The following GPC5 variants were observed in gnomAD, a reference collection of about 807,000 sequenced individuals.
GPC5 encodes glypican 5.
GPC5 carries 47 observed loss-of-function variants against 53.9 expected under a neutral mutation model. The observed-to-expected ratio is 0.87, with a 90% confidence interval of 0.69 to 1.11. The LOEUF (loss-of-function observed/expected upper bound fraction) is 1.11. GPC5 is among the 50% of genes most tolerant of loss of function. GPC5 has a pLI of 0.00. For missense variants in GPC5, 748 were observed against 713.1 expected (o/e 1.05, Z -0.56); for synonymous variants, 286 against 263.3 (o/e 1.09, Z -0.84).
At chr13:91,493,046 C>T (rs1268619064) in intron 2 of GPC5, among the ~76,000 whole-genome samples, 3 of 152,246 alleles carry the variant, frequency 2.0e-5, no homozygotes, top group Non-Finnish European at 4.4e-5. Flanking sequence ...CATGTCCTTA[C>T]TGACCTAGCT....
At chr13:92,192,068 T>C (rs1415429031) in intron 7 of GPC5, among the ~76,000 whole-genome samples, 1 of 152,156 alleles carries the variant, frequency 6.6e-6, no homozygotes, top group Non-Finnish European at 1.5e-5. Flanking sequence ...AATTAGTCGT[T>C]GCTAAGGGTT....
intron 6 of GPC5, among the ~76,000 whole-genome samples, chr13:92,042,245 C>T (rs909383118): frequency 6.6e-6 from 1 of 152,150 alleles, no homozygotes; most frequent in African/African-American, 2.4e-5. Context: ...TTTTTGGCTA[C>T]AAGCTGGACT....
chr13:91,973,763 C>T (rs570857063), intron 6 of GPC5, among the ~76,000 whole-genome samples: 22 of 152,238 alleles, frequency 1.4e-4, no homozygotes, highest in Non-Finnish European at 2.1e-4. Flanking sequence ...GTGTCAGCAG[C>T]GGTGGCTGCA....
intron 7 of GPC5, among the ~76,000 whole-genome samples, chr13:92,216,693 C>A (rs1404176921): frequency 1.3e-5 from 2 of 152,010 alleles, no homozygotes; most frequent in Non-Finnish European, 2.9e-5. Flanking sequence ...TCTAACTTAC[C>A]CACAAGCCAG....
At chr13:92,332,438 C>A (rs988628428) in intron 7 of GPC5, among the ~76,000 whole-genome samples, 2 of 151,932 alleles carry the variant, frequency 1.3e-5, no homozygotes, top group African/African-American at 4.8e-5. Flanking sequence ...GGGATCTTAC[C>A]CCATCCTAGT....
chr13:91,793,401 G>A (rs1430705997), intron 5 of GPC5, among the ~76,000 whole-genome samples: 1 of 152,114 alleles, frequency 6.6e-6, no homozygotes, highest in Non-Finnish European at 1.5e-5. Flanking sequence ...TGGGGGCACA[G>A]CCAAACCATA....
chr13:91,932,413 T>C (rs180785359), intron 6 of GPC5, among the ~76,000 whole-genome samples: 18 of 151,896 alleles, frequency 1.2e-4, no homozygotes, highest in Admixed American at 1.0e-3. Context: ...CACATTTAGC[T>C]CTGAATTTAG....
rs201831140 is a variant in GPC5 at position 91,742,000 on chromosome 13, G to GA, written c.1154+13343dup. 3.4e-3 allele frequency among the ~76,000 whole-genome samples: 518 copies of GA among 152,028 alleles called. 5 individuals are homozygous for GA. Among genetic ancestry groups the GA allele is most frequent in the African/African-American group, 0.012 (488 of 41,470 alleles). On this transcript the variant is annotated intron_variant, in intron 4 of 7. Coordinates refer to ENST00000377067, the MANE Select transcript of GPC5 (RefSeq NM_004466.6). ...TGAAAATAAAGGTCATGTTTTCAAT[G>GA]AAAAAAAATCTGCTTAATGTAAAAC...
intron 7 of GPC5, among the ~76,000 whole-genome samples, chr13:92,855,040 G>A (rs1055243343): frequency 1.3e-5 from 2 of 151,884 alleles, no homozygotes; most frequent in Non-Finnish European, 2.9e-5. Flanking sequence ...ATCTTTAAAA[G>A]AAAGCATATA....
At chr13:91,438,333 G>A (rs1234212579) in intron 1 of GPC5, among the ~76,000 whole-genome samples, 1 of 152,068 alleles carries the variant, frequency 6.6e-6, no homozygotes, top group East Asian at 1.9e-4. Context: ...GTACAAATGG[G>A]GTTTTGGTGT....
intron 2 of GPC5, among the ~76,000 whole-genome samples, chr13:91,512,171 C>T (rs930066649): frequency 1.9e-4 from 29 of 152,230 alleles, no homozygotes; most frequent in African/African-American, 6.0e-4. Flanking sequence ...CCAGAAATCG[C>T]TCTATGTTTT....
chr13:92,810,369 C>T (rs778648812), intron 7 of GPC5, among the ~76,000 whole-genome samples: 6 of 151,930 alleles, frequency 3.9e-5, no homozygotes, highest in Non-Finnish European at 7.4e-5. Flanking sequence ...ACAATGAAAA[C>T]GTTAATTTTA....
intron 7 of GPC5, among the ~76,000 whole-genome samples, chr13:92,327,940 C>G (rs1001292589): frequency 3.3e-5 from 5 of 152,160 alleles, no homozygotes; most frequent in African/African-American, 4.8e-5. Flanking sequence ...AGTTTTCCCT[C>G]AAATCCAAAG....
At chr13:92,512,234 ATGTGTG>A (rs1555339433) in intron 7 of GPC5, among the ~76,000 whole-genome samples, 5 of 148,808 alleles carry the variant, frequency 3.4e-5, no homozygotes, top group African/African-American at 1.2e-4. Flanking sequence ...TGTAGATTGT[ATGTGTG>A]TGTGTGTGTG....
At chr13:92,455,625 A>T (rs1181336528) in intron 7 of GPC5, among the ~76,000 whole-genome samples, 3 of 152,238 alleles carry the variant, frequency 2.0e-5, no homozygotes, top group African/African-American at 7.2e-5. Context: ...ACAATTGGTT[A>T]AATGCTATTA....
intron 6 of GPC5, among the ~76,000 whole-genome samples, chr13:92,057,269 A>C (rs1213619174): frequency 6.6e-6 from 1 of 151,578 alleles, no homozygotes; most frequent in Non-Finnish European, 1.5e-5. Flanking sequence ...AGGCCATATG[A>C]AGTGACAGAA....
At chr13:91,846,264 CAATT>C (rs2038847808) in intron 5 of GPC5, among the ~76,000 whole-genome samples, 1 of 151,874 alleles carries the variant, frequency 6.6e-6, no homozygotes, top group Non-Finnish European at 1.5e-5. Context: ...TACAACTTCT[CAATT>C]AACATATAAT....
chr13:92,294,826 C>CTTTTTTTTTT (rs147963724), intron 7 of GPC5, among the ~76,000 whole-genome samples: 1 of 98,998 alleles, frequency 1.0e-5, no homozygotes, highest in South Asian at 3.6e-4. Context: ...TTTTTTTTTT[C>CTTTTTTTTTT]TTTTTTTTTT....
intron 5 of GPC5, among the ~76,000 whole-genome samples, chr13:91,820,957 C>T (rs553277240): frequency 8.8e-5 from 13 of 147,800 alleles, no homozygotes; most frequent in African/African-American, 2.5e-4. Flanking sequence ...AGCGAGACTC[C>T]GTCTCAAAAA....
Sources: gnomAD v4.1 joint callset for allele counts (sites outside exome capture counted in the v4.1 genomes callset) on GRCh38, gnomAD v4.1.1 for gene constraint, MANE v1.5 for transcripts, NCBI Gene and HGNC (gene_info 2026-07-23, HGNC 2026-07-21) for gene names.